Variants in TTC27 observed in about 807,000 individuals in gnomAD.
The protein encoded by TTC27 is tetratricopeptide repeat domain 27, also known as tetratricopeptide repeat protein 27.
Under a neutral mutation model 115.9 loss-of-function variants are expected in TTC27, and 79 were observed. The ratio of observed to expected loss-of-function variants is 0.68; its 90% CI spans 0.57 to 0.82. TTC27 has a LOEUF of 0.82. TTC27 is among the 40% of genes least tolerant of loss of function. The pLI is 0.00. For missense variants in TTC27, 1,054 were observed against 993.1 expected (o/e 1.06, Z -0.82); for synonymous variants, 401 against 356.0 (o/e 1.13, Z -1.42).
intron 10 of TTC27, among the ~76,000 whole-genome samples, chr2:32,720,877 C>G (rs546573849): frequency 6.6e-5 from 10 of 152,278 alleles, no homozygotes; most frequent in African/African-American, 1.9e-4. Flanking sequence ...TTCGTGTGCT[C>G]TATTGTATTT....
intron 10 of TTC27, among the ~76,000 whole-genome samples, chr2:32,703,597 T>A (rs1483585043): frequency 6.6e-6 from 1 of 152,180 alleles, no homozygotes; most frequent in African/African-American, 2.4e-5. Context: ...TTCATCCTGA[T>A]GCAAAAAATA....
chr2:32,756,279 C>G (rs550400199), intron 12 of TTC27, among the ~76,000 whole-genome samples: 1 of 152,184 alleles, frequency 6.6e-6, no homozygotes, highest in Non-Finnish European at 1.5e-5. Flanking sequence ...CCTTCAATCA[C>G]GCAGTGAGAT....
chr2:32,702,666 A>C, intron 9 of TTC27, 141 bp from the exon 10 acceptor site: 1 of 600,954 alleles, frequency 1.7e-6, no homozygotes, highest in East Asian at 2.8e-5. Context: ...AGAAAAAGAG[A>C]ACTTTTTGTT....
intron 7 of TTC27, among the ~76,000 whole-genome samples, chr2:32,667,515 T>A (rs1433348212): frequency 6.6e-6 from 1 of 150,828 alleles, no homozygotes; most frequent in East Asian, 2.0e-4. Context: ...CTCCTGGGTT[T>A]AAGCGATTCT....
At chr2:32,693,623 A>G (rs780585843) in intron 9 of TTC27, among the ~76,000 whole-genome samples, 4 of 152,206 alleles carry the variant, frequency 2.6e-5, no homozygotes, top group Non-Finnish European at 4.4e-5. Context: ...AAATATTACT[A>G]GGTAATTTAT....
At position 32,744,510 on chromosome 2, in the gene TTC27, C is replaced by G. The variant is rs373568730; in HGVS notation, c.1452+7694C>G. ...TTATTTATGGAAAATATTAATGTTC[C>G]TAGAAGCTCTTTCAAGTCCCCTCTT... On this transcript the variant is annotated intron_variant, in intron 12 of 19. Coordinates refer to ENST00000317907, the MANE Select transcript of TTC27 (RefSeq NM_017735.5). Among the ~76,000 whole-genome samples, 18 of 152,250 alleles carry G rather than the reference C, an allele frequency of 1.2e-4. No individual in the cohort carries two copies. In the East Asian group the frequency reaches 3.3e-3, roughly 28 times the overall value.
chr2:32,670,171 C>T (rs1665959572), intron 7 of TTC27, among the ~76,000 whole-genome samples: 1 of 152,008 alleles, frequency 6.6e-6, no homozygotes, highest in Admixed American at 6.6e-5. Flanking sequence ...AGCCACCGCA[C>T]CTGGCTTCTG....
chr2:32,805,135 T>G (rs1249379744), intron 16 of TTC27, among the ~76,000 whole-genome samples: 1 of 152,226 alleles, frequency 6.6e-6, no homozygotes, highest in Non-Finnish European at 1.5e-5. Flanking sequence ...GATTCAAGCC[T>G]GAAGCCTGCT....
At chr2:32,802,754 ACCT>A (rs1670997243) in intron 16 of TTC27, among the ~76,000 whole-genome samples, 1 of 152,058 alleles carries the variant, frequency 6.6e-6, no homozygotes, top group South Asian at 2.1e-4. Flanking sequence ...TGTGAGAACA[ACCT>A]CAAGTTCAGT....
chr2:32,770,626 C>G (rs951126993), intron 13 of TTC27, among the ~76,000 whole-genome samples: 1 of 152,166 alleles, frequency 6.6e-6, no homozygotes, highest in African/African-American at 2.4e-5. Context: ...GGGAGTGACT[C>G]TCTTTGAGAC....
chr2:32,779,229 A>AC (rs1380820119), intron 14 of TTC27, among the ~76,000 whole-genome samples: 4 of 151,952 alleles, frequency 2.6e-5, no homozygotes, highest in Non-Finnish European at 4.4e-5. Context: ...TCTCAAAAAA[A>AC]AAACAAACAA....
intron 9 of TTC27, among the ~76,000 whole-genome samples, chr2:32,680,910 C>G (rs911728292): frequency 6.6e-6 from 1 of 152,034 alleles, no homozygotes; most frequent in African/African-American, 2.4e-5. Context: ...AAAACTTTTC[C>G]TTTCTTTAAC....
intron 5 of TTC27, among the ~76,000 whole-genome samples, chr2:32,650,650 C>T (rs1665083635): frequency 6.6e-6 from 1 of 151,838 alleles, no homozygotes; most frequent in Non-Finnish European, 1.5e-5. Flanking sequence ...TTAAATTACA[C>T]AAAGAATAAG....
intron 5 of TTC27, among the ~76,000 whole-genome samples, chr2:32,658,831 A>G (rs969791175): frequency 8.5e-5 from 13 of 152,220 alleles, no homozygotes; most frequent in African/African-American, 2.9e-4. Flanking sequence ...CTGTTTTACT[A>G]GGTTATTATC....
intron 16 of TTC27, among the ~76,000 whole-genome samples, chr2:32,796,803 T>C (rs144981553): frequency 1.7e-3 from 257 of 152,250 alleles, no homozygotes; most frequent in Admixed American, 3.7e-3. Context: ...AAGACAGACA[T>C]ACAGACCAAT....
chr2:32,771,296 C>T (rs1189689010), intron 13 of TTC27, among the ~76,000 whole-genome samples: 1 of 152,206 alleles, frequency 6.6e-6, no homozygotes, highest in Non-Finnish European at 1.5e-5. Context: ...GTTACGTAGT[C>T]GTTCTTTTCT....
chr2:32,733,682 GA>G (rs998307373), intron 10 of TTC27, 145 bp from the exon 11 acceptor site: 6 of 440,744 alleles, frequency 1.4e-5, no homozygotes, highest in Non-Finnish European at 2.3e-5. Context: ...AGAAATTCGA[GA>G]AAAAATTCAC....
At chr2:32,737,769 G>A (rs576596454) in intron 12 of TTC27, among the ~76,000 whole-genome samples, 2 of 152,234 alleles carry the variant, frequency 1.3e-5, no homozygotes, top group East Asian at 3.9e-4. Flanking sequence ...TCGAGAAGCT[G>A]AGGTGGGAAG....
At chr2:32,770,433 A>G (rs1669788027) in intron 13 of TTC27, among the ~76,000 whole-genome samples, 1 of 152,236 alleles carries the variant, frequency 6.6e-6, no homozygotes, top group South Asian at 2.1e-4. Context: ...TTTGCCCTCG[A>G]GGATATCATA....
Sources: allele counts gnomAD v4.1 joint callset (sites outside exome capture counted in the v4.1 genomes callset), GRCh38; gene constraint gnomAD v4.1.1; transcripts MANE v1.5; gene names NCBI Gene and HGNC (gene_info 2026-07-23, HGNC 2026-07-21).